Variants in STAC observed in about 807,000 individuals in gnomAD.
STAC encodes SH3 and cysteine-rich domain-containing protein.
Under a neutral mutation model 48.8 loss-of-function variants are expected in STAC, and 43 were observed. That is an observed-to-expected ratio of 0.88 (90% CI 0.69 to 1.14). The LOEUF is 1.14. Ranked by LOEUF, STAC falls within the 50% of genes most tolerant of loss-of-function variation. The pLI is 0.00. For missense variants in STAC, 497 were observed against 504.0 expected, an observed-to-expected ratio of 0.99 and a Z score of 0.13; for synonymous variants, 193 against 179.5, an observed-to-expected ratio of 1.07 and a Z score of -0.60.
intron 6 of STAC, among the ~76,000 whole-genome samples, chr3:36,499,197 C>A (rs576090765): frequency 6.6e-6 from 1 of 151,948 alleles, no homozygotes; most frequent in Non-Finnish European, 1.5e-5. Flanking sequence ...AATGGAAAGA[C>A]GGAAATGTAA....
At chr3:36,416,280 G>A (rs906147377) in intron 1 of STAC, among the ~76,000 whole-genome samples, 1 of 152,146 alleles carries the variant, frequency 6.6e-6, no homozygotes, top group African/African-American at 2.4e-5. Context: ...AGACCAGCCT[G>A]GGAAACATAG....
intron 1 of STAC, among the ~76,000 whole-genome samples, chr3:36,423,076 ATC>A (rs1700483747): frequency 6.6e-6 from 1 of 152,106 alleles, no homozygotes; most frequent in South Asian, 2.1e-4. Context: ...GATACCGTTC[ATC>A]TGTTTCCCTG....
chr3:36,449,250 C>T (rs2125672932), intron 2 of STAC, among the ~76,000 whole-genome samples: 1 of 151,948 alleles, frequency 6.6e-6, no homozygotes, highest in Non-Finnish European at 1.5e-5. Flanking sequence ...TGAAGTCCTG[C>T]CATCCTGAAA....
chr3:36,452,471 GCTGTGTTCT>G (rs1575209439), intron 2 of STAC, among the ~76,000 whole-genome samples: 1 of 152,184 alleles, frequency 6.6e-6, no homozygotes, highest in Admixed American at 6.5e-5. Context: ...ACCATGGTGT[GCTGTGTTCT>G]CTGTGTTCTC....
intron 1 of STAC, among the ~76,000 whole-genome samples, chr3:36,440,079 C>T (rs1176711516): frequency 6.6e-6 from 1 of 152,232 alleles, no homozygotes; most frequent in Non-Finnish European, 1.5e-5. Flanking sequence ...CTAGCCTTTT[C>T]TAGCTGATGT....
At chr3:36,516,095 T>C (rs1698667693) in intron 8 of STAC, among the ~76,000 whole-genome samples, 1 of 148,084 alleles carries the variant, frequency 6.8e-6, no homozygotes, top group African/African-American at 2.5e-5. Context: ...GTGATTCTCC[T>C]GCCTCAGGCT....
intron 6 of STAC, among the ~76,000 whole-genome samples, chr3:36,502,128 G>A (rs1342446376): frequency 6.6e-6 from 1 of 152,102 alleles, no homozygotes; most frequent in Non-Finnish European, 1.5e-5. Context: ...CAGCATATAG[G>A]ATAGGAAAAG....
At chr3:36,489,619 C>T (rs577151223) in intron 5 of STAC, among the ~76,000 whole-genome samples, 2 of 152,348 alleles carry the variant, frequency 1.3e-5, no homozygotes, top group African/African-American at 4.8e-5. Context: ...ATTAGACTAA[C>T]CTCCTTAAAT....
At chr3:36,505,681 C>G in intron 7 of STAC, 65 bp from the exon 8 acceptor site, 5 of 1,108,304 alleles carry the variant, frequency 4.5e-6, no homozygotes, top group Non-Finnish European at 6.6e-6. Flanking sequence ...TTCCTGTTTT[C>G]TTTCTTTCCT....
intron 1 of STAC, among the ~76,000 whole-genome samples, chr3:36,398,455 GGAAGGAAGGAAGGAA>G: frequency 8.3e-6 from 1 of 119,816 alleles, no homozygotes; most frequent in Middle Eastern, 4.8e-3. Context: ...AAGGAAGGAA[GGAAGGAAGGAAGGAA>G]GGAAGGAGGG....
At chr3:36,513,289 T>C (rs973231908) in intron 8 of STAC, among the ~76,000 whole-genome samples, 1 of 152,178 alleles carries the variant, frequency 6.6e-6, no homozygotes, top group Non-Finnish European at 1.5e-5. Flanking sequence ...CTCTGCCCTC[T>C]CTTCCACAAA....
At chr3:36,504,326 T>C in intron 6 of STAC, 67 bp from the exon 7 acceptor site, 1 of 1,414,250 alleles carries the variant, frequency 7.1e-7, no homozygotes, top group Non-Finnish European at 1.0e-6. Context: ...TAAAGCCATC[T>C]TTCAGGAATA....
chr3:36,443,716 G>A lies in STAC; in HGVS notation c.388+76G>A. The A allele has an allele frequency of 6.4e-7, 1 of 1,553,262 alleles. No individual in the cohort carries two copies. The highest frequency in any genetic ancestry group is 8.7e-7 in the Non-Finnish European group (1 of 1,146,662). On this transcript the variant is annotated intron_variant, in intron 2 of 10. Transcript: ENST00000273183. The surrounding 1 kb of genome is among the most constrained non-coding windows in gnomAD (Gnocchi z 4.2). ...GTGAGAGTGGTGTGCCACGGGTCCA[G>A]GTACCTACGGACAGATGCTAGGCCT...
chr3:36,455,360 A>C (rs1696824032), intron 2 of STAC, among the ~76,000 whole-genome samples: 1 of 152,204 alleles, frequency 6.6e-6, no homozygotes, highest in African/African-American at 2.4e-5. Context: ...TCCTGGATGC[A>C]CTTAAGAGTT....
intron 3 of STAC, 22 bp from the exon 4 acceptor site, chr3:36,484,955 G>C: frequency 6.3e-7 from 1 of 1,578,854 alleles, no homozygotes; most frequent in Non-Finnish European, 8.6e-7. Flanking sequence ...TTAACCCCTT[G>C]CCTTCCTCAT....
At chr3:36,437,042 C>T (rs528503113) in intron 1 of STAC, among the ~76,000 whole-genome samples, 16 of 151,938 alleles carry the variant, frequency 1.1e-4, no homozygotes, top group African/African-American at 3.4e-4. Context: ...CCATCACTGG[C>T]CATCAGAGAA....
intron 8 of STAC, among the ~76,000 whole-genome samples, chr3:36,508,455 G>A (rs1698457469): frequency 6.6e-6 from 1 of 152,172 alleles, no homozygotes; most frequent in Non-Finnish European, 1.5e-5. Context: ...CCAGAGCTGA[G>A]TTCAAGTCCT....
chr3:36,513,889 C>A (rs1397258448), intron 8 of STAC, among the ~76,000 whole-genome samples: 1 of 151,900 alleles, frequency 6.6e-6, no homozygotes, highest in Non-Finnish European at 1.5e-5. Flanking sequence ...AATATATGAG[C>A]ATTCACTGAA....
At chr3:36,486,087 G>A (rs1476923051) in intron 4 of STAC, 47 bp from the exon 5 acceptor site, 3 of 1,479,868 alleles carry the variant, frequency 2.0e-6, no homozygotes, top group Non-Finnish European at 2.8e-6. Flanking sequence ...AGTTGGCTGG[G>A]TCCTCTCAGA....
Sources: gnomAD v4.1 joint callset for allele counts (sites outside exome capture counted in the v4.1 genomes callset) on GRCh38, gnomAD v4.1.1 for gene constraint, Gnocchi (gnomAD v3.1) non-coding constraint, MANE v1.5 for transcripts, NCBI Gene and HGNC (gene_info 2026-07-23, HGNC 2026-07-21) for gene names.